SH3RF3: variants seen among roughly 807,000 people sequenced by gnomAD.
SH3RF3 encodes the protein SH3 domain containing ring finger 3.
SH3RF3 carries 29 observed loss-of-function variants against 66.3 expected under a neutral mutation model. The ratio of observed to expected loss-of-function variants is 0.44; its 90% CI spans 0.33 to 0.60. The LOEUF is 0.60. Among genes scored for constraint, SH3RF3 ranks in the 20% least tolerant of loss-of-function variants. The pLI is 0.04. For synonymous variants in SH3RF3, 583 were observed against 532.0 expected, an observed-to-expected ratio of 1.10 and a Z score of -1.32; for missense variants, 1,194 against 1,190.9, an observed-to-expected ratio of 1.00 and a Z score of -0.04.
intron 1 of SH3RF3, among the ~76,000 whole-genome samples, chr2:109,321,405 A>G (rs1682023956): frequency 6.6e-6 from 1 of 152,246 alleles, no homozygotes; most frequent in South Asian, 2.1e-4. Flanking sequence ...TGAAGTGGAA[A>G]TTAGTTGAGT....
chr2:109,484,169 C>T lies in SH3RF3; in HGVS notation c.2149-6436C>T, dbSNP rs1377574500. Among the ~76,000 whole-genome samples, 3 of 151,334 alleles carry T rather than the reference C, an allele frequency of 2.0e-5. 1 individual carries two copies. Among genetic ancestry groups the T allele is most frequent in the Admixed American group, 2.0e-4 (3 of 15,184 alleles). ...GCAACCTCTGCCTTCTGGGTTCAAG[C>T]GATTCTCCTGCCTCAGCCTCCCAAG... On this transcript the variant is annotated intron_variant, in intron 8 of 9. Coordinates refer to ENST00000309415, the MANE Select transcript of SH3RF3 (RefSeq NM_001099289.3).
At chr2:109,213,382 G>C (rs1248935919) in intron 1 of SH3RF3, among the ~76,000 whole-genome samples, 5 of 152,188 alleles carry the variant, frequency 3.3e-5, no homozygotes, top group Non-Finnish European at 7.3e-5. Flanking sequence ...AGGAGGGACG[G>C]ACCAGGGCTC....
intron 2 of SH3RF3, 53 bp from the exon 3 acceptor site, chr2:109,371,533 T>G: frequency 6.6e-7 from 1 of 1,520,874 alleles, no homozygotes; most frequent in Non-Finnish European, 9.1e-7. Context: ...TGCTTCCTTT[T>G]TCATTGTGTG....
chr2:109,290,380 G>C (rs1681135635), intron 1 of SH3RF3, among the ~76,000 whole-genome samples: 1 of 152,220 alleles, frequency 6.6e-6, no homozygotes, highest in Non-Finnish European at 1.5e-5. Flanking sequence ...AGGGATGAAT[G>C]TACCATAAAT....
rs541154768 is a variant in SH3RF3 at position 109,402,045 on chromosome 2, C to G, written c.1299+3102C>G. Among the ~76,000 whole-genome samples, 7 of 152,322 alleles carry G rather than the reference C, an allele frequency of 4.6e-5. No individual in the cohort carries two copies. In the East Asian group the frequency reaches 1.4e-3, roughly 29 times the overall value. ...AAGCAGTTGCCGCCTGTCTCCCTGTCCTGATTTAATCGAGCTGCCGGGAGA... is the reference window on the plus strand; with the variant it reads ...AAGCAGTTGCCGCCTGTCTCCCTGTGCTGATTTAATCGAGCTGCCGGGAGA... On this transcript the variant is annotated intron_variant, in intron 4 of 9. Coordinates refer to ENST00000309415, the MANE Select transcript of SH3RF3 (RefSeq NM_001099289.3).
At chr2:109,377,479 CTG>C (rs960876226) in intron 3 of SH3RF3, among the ~76,000 whole-genome samples, 2 of 152,166 alleles carry the variant, frequency 1.3e-5, no homozygotes, top group Non-Finnish European at 2.9e-5. Context: ...GATTCAGACT[CTG>C]TGACGCCAGA....
In SH3RF3 at chr2:109,129,540, C is replaced by T. The variant is rs1676626416; in HGVS notation, c.-1C>T. 6.7e-7 allele frequency: 1 copy of T among 1,496,610 alleles called. No homozygotes were observed. Among genetic ancestry groups the T allele is most frequent in the Non-Finnish European group, 8.8e-7 (1 of 1,130,074 alleles). The allele number at this position is 1,496,610 out of a possible 1,614,324, so 92.7% of individuals were successfully genotyped here. ...GCGAGACCGCTGCGGGCGCCTCCCC[C>T]ATGCTGCTCGGAGCGTCCTGGCTGT... On this transcript the variant is annotated 5_prime_UTR_variant, in exon 1 of 10. Transcript: ENST00000309415.
At chr2:109,414,954 G>A (rs1015809258) in intron 4 of SH3RF3, among the ~76,000 whole-genome samples, 1 of 152,226 alleles carries the variant, frequency 6.6e-6, no homozygotes, top group Non-Finnish European at 1.5e-5. Context: ...AAGACCCTGA[G>A]ATGGAGATGC....
intron 8 of SH3RF3, among the ~76,000 whole-genome samples, chr2:109,469,302 C>G (rs781216895): frequency 3.3e-5 from 5 of 152,232 alleles, no homozygotes; most frequent in Non-Finnish European, 5.9e-5. Context: ...TCACTGTGTC[C>G]TCCACTCTGT....
chr2:109,481,112 G>A (rs1478359212), intron 8 of SH3RF3, among the ~76,000 whole-genome samples: 3 of 152,216 alleles, frequency 2.0e-5, no homozygotes, highest in African/African-American at 7.2e-5. Context: ...CAGCTGTTCA[G>A]AAAGGCAGGA....
chr2:109,422,571 G>A lies in SH3RF3; in HGVS notation c.1403+2929G>A, dbSNP rs192923490. 6.9e-4 allele frequency among the ~76,000 whole-genome samples: 104 copies of A among 151,792 alleles called. 1 individual carries two copies. In the East Asian group the frequency reaches 0.015, roughly 21 times the overall value. The stretch of plus-strand genomic sequence containing the variant: ...GAGGCGACTGTGAGTCTGCAGAGAC[G>A]TCTCTCATTCCTGCACCCCCTTTCC... On this transcript the variant is annotated intron_variant, in intron 5 of 9. Coordinates refer to ENST00000309415, the MANE Select transcript of SH3RF3 (RefSeq NM_001099289.3).
At chr2:109,153,356 T>TTAAAAAAATTTGTA (rs1310817915) in intron 1 of SH3RF3, among the ~76,000 whole-genome samples, 33 of 152,208 alleles carry the variant, frequency 2.2e-4, no homozygotes, top group African/African-American at 8.0e-4. Flanking sequence ...TCTTAGTGAT[T>TTAAAAAAATTTGTA]TAAAAAAATT....
intron 1 of SH3RF3, among the ~76,000 whole-genome samples, chr2:109,267,028 C>G (rs538696808): frequency 1.3e-5 from 2 of 152,232 alleles, no homozygotes; most frequent in East Asian, 3.9e-4. Flanking sequence ...TACCTGCAGA[C>G]AGAGGTGGAT....
At chr2:109,417,181 A>T (rs2104511058) in intron 4 of SH3RF3, among the ~76,000 whole-genome samples, 1 of 152,306 alleles carries the variant, frequency 6.6e-6, no homozygotes, top group South Asian at 2.1e-4. Context: ...TCCTCTGCGC[A>T]GATGCCTGGG....
At chr2:109,141,839 G>A (rs938613368) in intron 1 of SH3RF3, among the ~76,000 whole-genome samples, 37 of 152,172 alleles carry the variant, frequency 2.4e-4, no homozygotes, top group Non-Finnish European at 4.4e-4. Flanking sequence ...CCAGGTCCTC[G>A]CCTCCTTTCA....
At chr2:109,318,469 G>A (rs544826665) in intron 1 of SH3RF3, among the ~76,000 whole-genome samples, 5 of 152,184 alleles carry the variant, frequency 3.3e-5, no homozygotes, top group East Asian at 1.9e-4. Flanking sequence ...CTCGGCATAC[G>A]CGTTTATCTG....
At chr2:109,374,442 A>G (rs1327629586) in intron 3 of SH3RF3, among the ~76,000 whole-genome samples, 1 of 152,286 alleles carries the variant, frequency 6.6e-6, no homozygotes, top group African/African-American at 2.4e-5. Context: ...CACCACATGG[A>G]TCCTGGTGGA....
intron 8 of SH3RF3, among the ~76,000 whole-genome samples, chr2:109,454,512 G>A (rs931417033): frequency 2.6e-5 from 4 of 152,318 alleles, no homozygotes; most frequent in East Asian, 1.9e-4. Context: ...AAGTCCACAC[G>A]GTGAGAGCGC....
At position 109,449,199 on chromosome 2, in the gene SH3RF3, C is replaced by T. The variant is rs749268734; in HGVS notation, c.1858C>T (p.Arg620Trp). 1.6e-5 allele frequency: 26 copies of T among 1,613,504 alleles called. No individual in the cohort carries two copies. Among genetic ancestry groups the T allele is most frequent in the Middle Eastern group, 1.6e-4 (1 of 6,082 alleles). ...CCACTCTGCAGCCCAGGCTCAGGAC[C>T]GGCCAACTGCCACCGTGTCACCCCT... Reference protein sequence around the residue: ...AAHSAAQAQDRPTATVSPLRT... With the variant: ...AAHSAAQAQDWPTATVSPLRT... Residue 620 changes from arginine (R) to tryptophan (W), a missense_variant, in exon 8 of 10, where the codon CGG becomes TGG. Transcript: ENST00000309415.
Sources: allele counts gnomAD v4.1 joint callset (sites outside exome capture counted in the v4.1 genomes callset), GRCh38; gene constraint gnomAD v4.1.1; transcripts MANE v1.5; gene names NCBI Gene and HGNC (gene_info 2026-07-23, HGNC 2026-07-21).